The following SLC34A1 variants were observed in gnomAD, a reference collection of about 807,000 sequenced individuals.
The protein encoded by SLC34A1 is sodium-dependent phosphate transport protein 2A.
A neutral mutation model predicts 51.4 loss-of-function variants in SLC34A1; 57 were observed. The ratio of observed to expected loss-of-function variants is 1.11; its 90% CI spans 0.90 to 1.38. SLC34A1 has a LOEUF of 1.38. Ranked by LOEUF, SLC34A1 falls within the 40% of genes most tolerant of loss-of-function variation. The pLI, the probability that SLC34A1 is intolerant of heterozygous loss-of-function variation, is 0.00. For missense variants in SLC34A1, 796 were observed against 835.6 expected (o/e 0.95, Z 0.58); for synonymous variants, 368 against 358.0 (o/e 1.03, Z -0.32).
chr5:177,394,683 T>TAA (rs1305378868), intron 10 of SLC34A1, among the ~76,000 whole-genome samples: 1 of 144,758 alleles, frequency 6.9e-6, no homozygotes, highest in Non-Finnish European at 1.5e-5. Flanking sequence ...ATAGTGAGAC[T>TAA]TTGTCTTTTT....
chr5:177,385,299 T>G (rs1283791598), intron 1 of SLC34A1, among the ~76,000 whole-genome samples: 1 of 152,180 alleles, frequency 6.6e-6, no homozygotes, highest in Non-Finnish European at 1.5e-5. Flanking sequence ...AGGCTGGGCG[T>G]CCTCAGTTCT....
chr5:177,396,500 C>G lies in SLC34A1; in HGVS notation c.1175-233C>G, dbSNP rs1481958453. On this transcript the variant is annotated intron_variant, in intron 10 of 12. Coordinates refer to ENST00000324417, the MANE Select transcript of SLC34A1 (RefSeq NM_003052.5). The surrounding 1 kb of genome is among the most constrained non-coding windows in gnomAD (Gnocchi z 4.0). ...CCCGCGGAGGTCCTCTCTCCCAGTG[C>G]CCCCGCGGAGGTCCTCTCTCCCAGT... Among the ~76,000 whole-genome samples, 2 of 101,082 alleles carry G rather than the reference C, an allele frequency of 2.0e-5. No individual in the cohort carries two copies. Among genetic ancestry groups the G allele is most frequent in the East Asian group, 5.7e-4 (2 of 3,536 alleles). The allele number at this position is 101,082 out of a possible 152,430, so 66.3% of individuals were successfully genotyped here.
chr5:177,391,143 C>A (rs1762788672), intron 8 of SLC34A1, among the ~76,000 whole-genome samples: 1 of 152,162 alleles, frequency 6.6e-6, no homozygotes, highest in Admixed American at 6.5e-5. Context: ...TGGGAAGATG[C>A]CCCCAGATCC....
chr5:177,385,707 C>A lies in SLC34A1; in HGVS notation c.-35C>A. 1.3e-6 allele frequency: 2 copies of A among 1,497,818 alleles called. No individual in the cohort carries two copies. Among genetic ancestry groups the A allele is most frequent in the East Asian group, 2.3e-5 (1 of 43,942 alleles). 92.8% of individuals were successfully genotyped at this position (1,497,818 alleles called of 1,614,324 possible). ...TATTGTCATTCAGCGTTGCTGAGACCCACTGACCTGCAGACCTCATAGTGG... is the reference window on the plus strand; with the variant it reads ...TATTGTCATTCAGCGTTGCTGAGACACACTGACCTGCAGACCTCATAGTGG... On this transcript the variant is annotated 5_prime_UTR_variant, in exon 2 of 13. Coordinates refer to ENST00000324417, the MANE Select transcript of SLC34A1 (RefSeq NM_003052.5).
In SLC34A1 at chr5:177,398,204, G is replaced by C. The variant is rs1206684898; in HGVS notation, c.1838G>C (p.Arg613Thr). ...CCCCGCTCACCCCCGCTGCCCCCCA[G>C]GGTCTTCCTGGAGGAGCTACCCCCT... ...PEPRSPPLPP[R>T]VFLEELPPAT... Residue 613 changes from arginine (R) to threonine (T), a missense_variant, in exon 13 of 13, where the codon AGG becomes ACG. Coordinates refer to ENST00000324417, the MANE Select transcript of SLC34A1 (RefSeq NM_003052.5). This position sits in a 1 kb window ranked among gnomAD's most constrained non-coding sequence, Gnocchi z 4.7. 3.1e-6 allele frequency: 5 copies of C among 1,606,788 alleles called. No homozygotes were observed. The highest frequency in any genetic ancestry group is 4.2e-6 in the Non-Finnish European group (5 of 1,179,748).
intron 8 of SLC34A1, chr5:177,389,764 T>G: frequency 6.5e-7 from 1 of 1,537,002 alleles, no homozygotes; most frequent in Non-Finnish European, 8.7e-7. Flanking sequence ...CCGGCAGATC[T>G]CAACCAGCAG....
At chr5:177,389,623 C>T (rs1049056746) in intron 8 of SLC34A1, 3 of 1,537,244 alleles carry the variant, frequency 2.0e-6, no homozygotes, top group South Asian at 1.2e-5. Flanking sequence ...TCACCACAAG[C>T]CTCTCTACTT....
chr5:177,386,216 T>A lies in SLC34A1; in HGVS notation c.260-5T>A, dbSNP rs1380838053. 3 of 1,614,088 alleles carry A rather than the reference T, an allele frequency of 1.9e-6. No individual in the cohort carries two copies. Among genetic ancestry groups the A allele is most frequent in the Non-Finnish European group, 2.5e-6 (3 of 1,180,010 alleles). ...CCCACTATGCTCATGGCTTCCCCCA[T>A]CCAGAGTCCAGGCTGGTCCCCAAGC... is the stretch of plus-strand genomic sequence containing the variant. On this transcript the variant is annotated splice_polypyrimidine_tract_variant and splice_region_variant and intron_variant, in intron 3 of 12. Coordinates refer to ENST00000324417, the MANE Select transcript of SLC34A1 (RefSeq NM_003052.5). The surrounding 1 kb of genome is among the most constrained non-coding windows in gnomAD (Gnocchi z 4.8).
In SLC34A1 at chr5:177,398,381, C is replaced by A; in HGVS notation, c.*95C>A. On this transcript the variant is annotated 3_prime_UTR_variant, in exon 13 of 13. Coordinates refer to ENST00000324417, the MANE Select transcript of SLC34A1 (RefSeq NM_003052.5). This position sits in a 1 kb window ranked among gnomAD's most constrained non-coding sequence, Gnocchi z 4.7. ...TGTAGGTATGTGCATGTGCCTGTGC[C>A]ACCCTGGGTGCCAGTCTCTCCTTCT... is the stretch of plus-strand genomic sequence containing the variant. 7.0e-7 allele frequency: 1 copy of A among 1,432,996 alleles called. No individual in the cohort carries two copies. Among genetic ancestry groups the A allele is most frequent in the Non-Finnish European group, 9.7e-7 (1 of 1,030,556 alleles). The allele number at this position is 1,432,996 out of a possible 1,614,324, so 88.8% of individuals were successfully genotyped here.
chr5:177,385,796 C>T lies in SLC34A1; in HGVS notation c.55C>T (p.Arg19Cys), dbSNP rs1457641719. 17 of 1,613,316 alleles carry T rather than the reference C, an allele frequency of 1.1e-5. No individual in the cohort carries two copies. The highest frequency in any genetic ancestry group is 2.2e-5 in the South Asian group (2 of 90,828). The part of the protein sequence containing the change: ...GSPAVSPLPV[R>C]GGHVMRGTAF... Reference sequence around the variant, plus strand: ...CCCTGCTGTCTCCCCACTCCCAGTCCGTGGGGGGCATGTGATGCGAGGGAC... The same window carrying T: ...CCCTGCTGTCTCCCCACTCCCAGTCTGTGGGGGGCATGTGATGCGAGGGAC... Residue 19 changes from arginine (R) to cysteine (C), a missense_variant, in exon 2 of 13, where the codon CGT becomes TGT. Transcript: ENST00000324417.
intron 8 of SLC34A1, chr5:177,390,008 G>A (rs937308753): frequency 1.0e-4 from 135 of 1,330,696 alleles, no homozygotes; most frequent in Non-Finnish European, 1.3e-4. Context: ...CTGGGACAGC[G>A]CCCCGAAGGA....
Position 177,393,720 on chromosome 5 carries a change from G to A in SLC34A1, c.963G>A (p.Glu321=). 1 of 1,614,206 alleles carries A rather than the reference G, an allele frequency of 6.2e-7. No individual in the cohort carries two copies. Among genetic ancestry groups the A allele is most frequent in the Non-Finnish European group, 8.5e-7 (1 of 1,180,036 alleles). ...LQAPTSMSRA[E]ANSSQTLGNA... is the part of the protein sequence containing the mutation. ...CTCCCACCTCCATGTCCAGAGCAGA[G>A]GCCAACTCCAGCCAGACCCTTGGAA... The change falls in exon 9 of 13, where the codon GAG becomes GAA. Residue 321 remains glutamate (E), a synonymous_variant. Coordinates refer to ENST00000324417, the MANE Select transcript of SLC34A1 (RefSeq NM_003052.5).
intron 9 of SLC34A1, 131 bp downstream of exon 9, chr5:177,393,894 C>A: frequency 6.8e-7 from 1 of 1,481,182 alleles, no homozygotes; most frequent in Non-Finnish European, 9.4e-7. Context: ...AGCTCCTGAG[C>A]CTGGGTCAAG....
intron 12 of SLC34A1, 161 bp from the exon 13 acceptor site, chr5:177,397,622 G>A: frequency 1.2e-6 from 1 of 865,486 alleles, no homozygotes; most frequent in East Asian, 2.6e-5. Flanking sequence ...AGCCAGCATA[G>A]CCACCTCGGG....
At position 177,388,458 on chromosome 5, in the gene SLC34A1, C is replaced by T; in HGVS notation, c.936+86C>T. The T allele has an allele frequency of 8.5e-7, 1 of 1,178,264 alleles. No individual in the cohort carries two copies. The highest frequency in any genetic ancestry group is 1.3e-6 in the Non-Finnish European group (1 of 794,792). 73.0% of individuals were successfully genotyped at this position (1,178,264 alleles called of 1,614,324 possible). On this transcript the variant is annotated intron_variant, in intron 8 of 12. Coordinates refer to ENST00000324417, the MANE Select transcript of SLC34A1 (RefSeq NM_003052.5). This position sits in a 1 kb window ranked among gnomAD's most constrained non-coding sequence, Gnocchi z 4.3. ...TCTGTTCAAAATGCTCCAGATAGAC[C>T]TTGAAGATCATTTAGCCAGGAGAGG...
At chr5:177,389,722 C>G (rs1183010180) in intron 8 of SLC34A1, 2 of 1,537,258 alleles carry the variant, frequency 1.3e-6, no homozygotes, top group Admixed American at 3.9e-5. Flanking sequence ...CTCACTGCCC[C>G]TGAGCTCCCT....
In SLC34A1 at chr5:177,388,010, A is replaced by G; in HGVS notation, c.661A>G (p.Thr221Ala). The G allele has an allele frequency of 1.2e-6, 2 of 1,613,028 alleles. No individual in the cohort carries two copies. Among genetic ancestry groups the G allele is most frequent in the Non-Finnish European group, 1.7e-6 (2 of 1,179,272 alleles). ...TDFRRAFAGA[T>A]VHDCFNWLSV... is the part of the protein sequence containing the mutation. ...CCTGCCCAGGGCCTTCGCGGGGGCC[A>G]CGGTGCATGACTGCTTTAACTGGCT... The change falls in exon 7 of 13, where the codon ACG becomes GCG. Residue 221 changes from threonine to alanine, a missense_variant. Coordinates refer to ENST00000324417, the MANE Select transcript of SLC34A1 (RefSeq NM_003052.5). This position sits in a 1 kb window ranked among gnomAD's most constrained non-coding sequence, Gnocchi z 4.3.
rs920979224 is a variant in SLC34A1 at position 177,396,960 on chromosome 5, G to C, written c.1302G>C (p.Val434=). 6.8e-6 allele frequency: 11 copies of C among 1,614,050 alleles called. No homozygotes were observed. Among genetic ancestry groups the C allele is most frequent in the African/African-American group, 2.7e-5 (2 of 74,922 alleles). Residue 434 remains valine, a synonymous_variant, in exon 12 of 13, where the codon GTG becomes GTC. Coordinates refer to ENST00000324417, the MANE Select transcript of SLC34A1 (RefSeq NM_003052.5). This position sits in a 1 kb window ranked among gnomAD's most constrained non-coding sequence, Gnocchi z 4.0. ...TCCCTCTGTCCCCAGGTCTTGGTGT[G>C]ATCAGCATTGAGAGGGCCTACCCGC... is the stretch of plus-strand genomic sequence containing the variant. ...SAITPLIGLG[V]ISIERAYPLT...
chr5:177,391,638 G>T (rs144905533), intron 8 of SLC34A1, among the ~76,000 whole-genome samples: 34 of 152,320 alleles, frequency 2.2e-4, no homozygotes, highest in Middle Eastern at 3.4e-3. Context: ...ATCTGCAGGG[G>T]CCACTGGTCC....
Sources: allele counts gnomAD v4.1 joint callset (sites outside exome capture counted in the v4.1 genomes callset), GRCh38; gene constraint gnomAD v4.1.1; non-coding constraint Gnocchi (gnomAD v3.1); transcripts MANE v1.5; gene names NCBI Gene and HGNC (gene_info 2026-07-23, HGNC 2026-07-21).